AUTS2: variants seen among roughly 807,000 people sequenced by gnomAD.
The protein encoded by AUTS2 is activator of transcription and developmental regulator AUTS2, also known as autism susceptibility gene 2 protein.
In AUTS2, 17 loss-of-function variants were observed where a neutral mutation model predicts 112.4. That is an observed-to-expected ratio of 0.15 (90% CI 0.10 to 0.23). The LOEUF (loss-of-function observed/expected upper bound fraction) is 0.23, where lower values mean the gene tolerates loss of function less well. Ranked by LOEUF, AUTS2 falls within the 10% of genes least tolerant of loss-of-function variation. The probability of loss-of-function intolerance (pLI) is 1.00; values close to 1 mark genes in which losing one functional copy is unlikely to be tolerated. For missense variants in AUTS2, 1,510 were observed against 1,701.6 expected, an observed-to-expected ratio of 0.89 and a Z score of 1.98; for synonymous variants, 751 against 702.7, an observed-to-expected ratio of 1.07 and a Z score of -1.09.
At chr7:70,623,841 T>G (rs553201227) in intron 5 of AUTS2, among the ~76,000 whole-genome samples, 1 of 152,304 alleles carries the variant, frequency 6.6e-6, no homozygotes, top group South Asian at 2.1e-4. Flanking sequence ...GATACCAACC[T>G]TTACGCACTG....
intron 4 of AUTS2, among the ~76,000 whole-genome samples, chr7:70,278,615 A>T (rs999886900): frequency 7.5e-6 from 1 of 132,922 alleles, no homozygotes; most frequent in African/African-American, 3.0e-5. Context: ...ACATACATAC[A>T]TACATACATA....
rs67123941 is a variant in AUTS2 at position 70,621,838 on chromosome 7, C to CTTTTTT, written c.691-76709_691-76704dup. Among the ~76,000 whole-genome samples the CTTTTTT allele has an allele frequency of 1.2e-3, 81 of 66,816 alleles. 15 individuals carry two copies. The highest frequency in any genetic ancestry group is 1.4e-3 in the Non-Finnish European group (55 of 38,384). 43.8% of individuals were successfully genotyped at this position (66,816 alleles called of 152,430 possible). On this transcript the variant is annotated intron_variant, in intron 5 of 18. Transcript: ENST00000342771. ...GCTTACGTTAGTGCATAGTCATTCT[C>CTTTTTT]TTTTTTTTTTTTTTTTTTTTTTTTT...
chr7:70,284,942 A>G (rs1202788971), intron 4 of AUTS2, among the ~76,000 whole-genome samples: 1 of 152,352 alleles, frequency 6.6e-6, no homozygotes, highest in East Asian at 1.9e-4. Context: ...AGAGAGGTCA[A>G]AAAAGGGCCC....
At chr7:69,740,382 T>C (rs1015649929) in intron 1 of AUTS2, among the ~76,000 whole-genome samples, 3 of 152,140 alleles carry the variant, frequency 2.0e-5, no homozygotes, top group Admixed American at 6.5e-5. Context: ...AGAAGCCAGC[T>C]CTGATTGACA....
chr7:70,064,110 C>G (rs1001102247), intron 2 of AUTS2, among the ~76,000 whole-genome samples: 1 of 152,170 alleles, frequency 6.6e-6, no homozygotes, highest in Non-Finnish European at 1.5e-5. Flanking sequence ...AGGATTTGGA[C>G]TGTGTTCAGC....
chr7:69,862,707 G>A (rs1180668992), intron 1 of AUTS2, among the ~76,000 whole-genome samples: 1 of 152,026 alleles, frequency 6.6e-6, no homozygotes, highest in Non-Finnish European at 1.5e-5. Context: ...TGGGGAGATG[G>A]GCTGGTAGAT....
chr7:70,726,021 CAAA>C (rs1279513351), intron 6 of AUTS2, among the ~76,000 whole-genome samples: 3 of 100,664 alleles, frequency 3.0e-5, no homozygotes, highest in African/African-American at 3.9e-5. Flanking sequence ...GACTCCATTT[CAAA>C]AAAAAAAAAA....
intron 1 of AUTS2, among the ~76,000 whole-genome samples, chr7:69,835,860 A>G (rs951594324): frequency 6.6e-6 from 1 of 152,230 alleles, no homozygotes; most frequent in Non-Finnish European, 1.5e-5. Flanking sequence ...GATGTTTATC[A>G]ATTTAGGTGC....
rs571757467 is a variant in AUTS2 at position 70,419,703 on chromosome 7, A to G, written c.661-16049A>G. On this transcript the variant is annotated intron_variant, in intron 4 of 18. Transcript: ENST00000342771. ...TTCTTCTGATGCAAATTGCAAAATT[A>G]TTTTCCAAATAGAAATTGACATTCC... Among the ~76,000 whole-genome samples, 5 of 152,288 alleles carry G rather than the reference A, an allele frequency of 3.3e-5. No homozygotes were observed. In the South Asian group the frequency reaches 1.0e-3, roughly 32 times the overall value.
At chr7:70,672,576 G>C (rs1460982181) in intron 5 of AUTS2, among the ~76,000 whole-genome samples, 1 of 152,030 alleles carries the variant, frequency 6.6e-6, no homozygotes, top group Non-Finnish European at 1.5e-5. Flanking sequence ...CTGCTTCCTC[G>C]AAAGGGTAGG....
chr7:70,395,476 C>A (rs969769394), intron 4 of AUTS2, among the ~76,000 whole-genome samples: 2 of 152,154 alleles, frequency 1.3e-5, no homozygotes, highest in African/African-American at 4.8e-5. Context: ...GATATTTAAT[C>A]AGAATCATTA....
At chr7:70,667,185 C>T (rs751989379) in intron 5 of AUTS2, among the ~76,000 whole-genome samples, 4 of 152,106 alleles carry the variant, frequency 2.6e-5, no homozygotes, top group Non-Finnish European at 5.9e-5. Context: ...CAGAACACCC[C>T]GCACATTAAC....
At chr7:70,477,581 C>T (rs1404474549) in intron 5 of AUTS2, among the ~76,000 whole-genome samples, 2 of 152,212 alleles carry the variant, frequency 1.3e-5, no homozygotes, top group African/African-American at 4.8e-5. Flanking sequence ...GCTGCCCTCC[C>T]ATTACTCTGC....
At chr7:70,709,740 C>T (rs902869070) in intron 6 of AUTS2, among the ~76,000 whole-genome samples, 1 of 152,180 alleles carries the variant, frequency 6.6e-6, no homozygotes, top group Non-Finnish European at 1.5e-5. Context: ...TCTTTTAGGG[C>T]CTCTCAGAAC....
rs1292630626 is a variant in AUTS2 at position 70,178,255 on chromosome 7, T to A, written c.660+43684T>A. 2.6e-5 allele frequency among the ~76,000 whole-genome samples: 4 copies of A among 152,126 alleles called. 1 individual carries two copies. The highest frequency in any genetic ancestry group is 2.9e-5 in the Non-Finnish European group (2 of 68,010). ...CCACTTGTACAGTGTCCTGAGAATATTTTAAGAGAAATATGAATGGCAGTA... is the reference window on the plus strand; with the variant it reads ...CCACTTGTACAGTGTCCTGAGAATAATTTAAGAGAAATATGAATGGCAGTA... On this transcript the variant is annotated intron_variant, in intron 4 of 18. Coordinates refer to ENST00000342771, the MANE Select transcript of AUTS2 (RefSeq NM_015570.4).
At chr7:69,891,195 A>T (rs1046451633) in intron 1 of AUTS2, among the ~76,000 whole-genome samples, 1 of 152,176 alleles carries the variant, frequency 6.6e-6, no homozygotes, top group Non-Finnish European at 1.5e-5. Context: ...CAATTAGTTC[A>T]TATTTCCTAG....
Position 69,869,277 on chromosome 7 carries a change from A to C in AUTS2, c.310-30009A>C, listed in dbSNP as rs1251331450. On this transcript the variant is annotated intron_variant, in intron 1 of 18. Transcript: ENST00000342771. Reference sequence around the variant, plus strand: ...GTGAATACTGGATGATGTGGATGAGAAAAGATGTAAGTCCTACTCAGGAGC... The same window carrying C: ...GTGAATACTGGATGATGTGGATGAGCAAAGATGTAAGTCCTACTCAGGAGC... Among the ~76,000 whole-genome samples, 22 of 152,062 alleles carry C rather than the reference A, an allele frequency of 1.4e-4. 1 individual carries two copies. The highest frequency in any genetic ancestry group is 1.4e-3 in the Admixed American group (22 of 15,254).
chr7:70,770,198 A>G (rs1375976018), intron 10 of AUTS2, among the ~76,000 whole-genome samples: 1 of 152,238 alleles, frequency 6.6e-6, no homozygotes, highest in Non-Finnish European at 1.5e-5. Context: ...CTAAAACACA[A>G]TTTTAGACTT....
At chr7:69,712,362 G>T (rs1170330712) in intron 1 of AUTS2, among the ~76,000 whole-genome samples, 2 of 152,130 alleles carry the variant, frequency 1.3e-5, no homozygotes. Context: ...CGCTCCTTTG[G>T]AATACTTACT....
Sources: allele counts gnomAD v4.1 joint callset (sites outside exome capture counted in the v4.1 genomes callset), GRCh38; gene constraint gnomAD v4.1.1; transcripts MANE v1.5; gene names NCBI Gene and HGNC (gene_info 2026-07-23, HGNC 2026-07-21).